NRXN3: variants seen among roughly 807,000 people sequenced by gnomAD.
NRXN3 encodes neurexin 3, also known as neurexin III.
NRXN3 carries 32 observed loss-of-function variants against 137.6 expected under a neutral mutation model. That is an observed-to-expected ratio of 0.23 (90% CI 0.18 to 0.31). The LOEUF is 0.31. Ranked by LOEUF, NRXN3 falls within the 10% of genes least tolerant of loss-of-function variation. The pLI, the probability that NRXN3 is intolerant of heterozygous loss-of-function variation, is 1.00. For missense variants in NRXN3, 1,574 were observed against 2,062.5 expected (o/e 0.76, Z 4.59); for synonymous variants, 798 against 784.5 (o/e 1.02, Z -0.29).
At chr14:78,412,105 A>G (rs1263346535) in intron 4 of NRXN3, among the ~76,000 whole-genome samples, 1 of 152,218 alleles carries the variant, frequency 6.6e-6, no homozygotes, top group African/African-American at 2.4e-5. Flanking sequence ...ACAGTGTAGT[A>G]AGACGTTAAT....
At chr14:79,046,534 A>T (rs997030552) in intron 15 of NRXN3, among the ~76,000 whole-genome samples, 4 of 152,168 alleles carry the variant, frequency 2.6e-5, no homozygotes, top group Non-Finnish European at 4.4e-5. Context: ...TTTTCTGTCA[A>T]ATCCCTCCCT....
At chr14:78,880,003 G>C (rs1197098897) in intron 10 of NRXN3, among the ~76,000 whole-genome samples, 1 of 150,708 alleles carries the variant, frequency 6.6e-6, no homozygotes, top group East Asian at 1.9e-4. Context: ...ACTTTGGGAG[G>C]CCGAGGCGGG....
At chr14:78,957,433 G>A (rs980224079) in intron 11 of NRXN3, 72 bp downstream of exon 11, 32 of 1,535,720 alleles carry the variant, frequency 2.1e-5, no homozygotes, top group Non-Finnish European at 2.7e-5. Flanking sequence ...AGCAAACAGT[G>A]TTTTGCAAAA....
intron 4 of NRXN3, among the ~76,000 whole-genome samples, chr14:78,586,498 A>C (rs1465333307): frequency 6.6e-6 from 1 of 152,230 alleles, no homozygotes; most frequent in Non-Finnish European, 1.5e-5. Context: ...AAACACTTAC[A>C]GCTGTGCCTG....
chr14:78,287,293 T>C (rs1484396640), intron 3 of NRXN3, among the ~76,000 whole-genome samples: 5 of 152,164 alleles, frequency 3.3e-5, no homozygotes, highest in Non-Finnish European at 7.3e-5. Flanking sequence ...TTTTAGGCCA[T>C]AGGTCTAGTA....
In NRXN3 at chr14:78,970,530, T is replaced by C. The variant is rs191222940; in HGVS notation, c.3142+2184T>C. On this transcript the variant is annotated intron_variant, in intron 14 of 20. Transcript: ENST00000335750. Reference sequence around the variant, plus strand: ...GGCTACTGTATTGGTAGTACAGGTATACAGAATACAAAAATTAAGGTGTAA... The same window carrying C: ...GGCTACTGTATTGGTAGTACAGGTACACAGAATACAAAAATTAAGGTGTAA... Among the ~76,000 whole-genome samples, 287 of 152,226 alleles carry C rather than the reference T, an allele frequency of 1.9e-3. 4 individuals carry two copies. The highest frequency in any genetic ancestry group is 9.4e-4 in the Non-Finnish European group (64 of 68,024).
At chr14:78,334,610 T>G (rs1337770353) in intron 4 of NRXN3, among the ~76,000 whole-genome samples, 1 of 152,216 alleles carries the variant, frequency 6.6e-6, no homozygotes, top group Non-Finnish European at 1.5e-5. Flanking sequence ...GCTTAATATG[T>G]GTTTATATTT....
chr14:79,168,160 G>A (rs2061448478), intron 15 of NRXN3, among the ~76,000 whole-genome samples: 1 of 152,042 alleles, frequency 6.6e-6, no homozygotes, highest in African/African-American at 2.4e-5. Flanking sequence ...TCACACCCAT[G>A]TACTGAGTCA....
chr14:79,866,565 A>G lies in NRXN3; in HGVS notation c.*4601A>G, dbSNP rs928900213. On this transcript the variant is annotated 3_prime_UTR_variant, in exon 21 of 21. Transcript: ENST00000335750. Reference sequence around the variant, plus strand: ...ATTGATGACAGACTGCAAAAAGTACATTGGAGGAAGATATGAGTAGGAAGG... The same window carrying G: ...ATTGATGACAGACTGCAAAAAGTACGTTGGAGGAAGATATGAGTAGGAAGG... The G allele has an allele frequency of 6.6e-6, 1 of 152,240 alleles. No homozygotes were observed. The highest frequency in any genetic ancestry group is 1.5e-5 in the Non-Finnish European group (1 of 68,048). 9.4% of individuals were successfully genotyped at this position (152,240 alleles called of 1,614,324 possible).
rs1447982646 is a variant in NRXN3 at position 78,943,618 on chromosome 14, AAAAAT to A, written c.2276-13622_2276-13618del. On this transcript the variant is annotated intron_variant, in intron 10 of 20. Coordinates refer to ENST00000335750, the MANE Select transcript of NRXN3 (RefSeq NM_001330195.2). ...AGAAGCAAGATCACTGTTAAAAAAA[AAAAAT>A]ATATATATATATATATATATATATA... 1.1e-3 allele frequency among the ~76,000 whole-genome samples: 42 copies of A among 39,948 alleles called. 2 individuals carry two copies. Among genetic ancestry groups the A allele is most frequent in the African/African-American group, 1.9e-3 (16 of 8,246 alleles). The allele number at this position is 39,948 out of a possible 152,430, so 26.2% of individuals were successfully genotyped here. A position where few individuals can be genotyped will look rare whatever the true frequency, so the allele number is the denominator to read the frequency against.
chr14:79,760,225 T>C (rs929834212), intron 19 of NRXN3, among the ~76,000 whole-genome samples: 1 of 151,636 alleles, frequency 6.6e-6, no homozygotes, highest in Admixed American at 6.6e-5. Flanking sequence ...TAGAAAAAAG[T>C]GTGGCGAGCT....
At chr14:78,434,212 T>A (rs1157377589) in intron 4 of NRXN3, among the ~76,000 whole-genome samples, 3 of 152,118 alleles carry the variant, frequency 2.0e-5, no homozygotes, top group African/African-American at 7.2e-5. Context: ...TTTCACACCA[T>A]CGTAAAGCTG....
At chr14:78,733,688 G>A (rs2098527709) in intron 8 of NRXN3, among the ~76,000 whole-genome samples, 1 of 152,206 alleles carries the variant, frequency 6.6e-6, no homozygotes, top group East Asian at 1.9e-4. Flanking sequence ...AAGTGTGCAG[G>A]AAAGGAGAAA....
chr14:78,259,187 T>C (rs373230719), intron 2 of NRXN3, among the ~76,000 whole-genome samples: 150 of 151,924 alleles, frequency 9.9e-4, no homozygotes, highest in African/African-American at 3.6e-3. Context: ...GAAACTTAAG[T>C]CTCATATGCG....
intron 6 of NRXN3, among the ~76,000 whole-genome samples, chr14:78,694,678 G>T (rs1370091720): frequency 1.3e-5 from 2 of 152,058 alleles, no homozygotes; most frequent in East Asian, 3.9e-4. Flanking sequence ...CAAAAACCTG[G>T]AAACTAAGTT....
At chr14:78,332,226 C>T (rs1597414038) in intron 4 of NRXN3, among the ~76,000 whole-genome samples, 1 of 152,044 alleles carries the variant, frequency 6.6e-6, no homozygotes, top group Non-Finnish European at 1.5e-5. Flanking sequence ...ATATCTTTTC[C>T]CTTATCTCCC....
intron 15 of NRXN3, among the ~76,000 whole-genome samples, chr14:79,354,068 C>T (rs2093331280): frequency 6.6e-6 from 1 of 152,028 alleles, no homozygotes; most frequent in African/African-American, 2.4e-5. Flanking sequence ...GTTTTCCGAC[C>T]CTAAGTGAAA....
At chr14:79,734,802 G>A (rs529610067) in intron 19 of NRXN3, among the ~76,000 whole-genome samples, 25 of 152,164 alleles carry the variant, frequency 1.6e-4, no homozygotes, top group African/African-American at 3.9e-4. Flanking sequence ...TTGCTTTCCC[G>A]AATACCTTAT....
chr14:78,529,521 G>A (rs917187677), intron 4 of NRXN3, among the ~76,000 whole-genome samples: 3 of 152,068 alleles, frequency 2.0e-5, no homozygotes, highest in Non-Finnish European at 4.4e-5. Flanking sequence ...TTGAAGTAAC[G>A]TGAACCCCAA....
Sources: allele counts gnomAD v4.1 joint callset (sites outside exome capture counted in the v4.1 genomes callset), GRCh38; gene constraint gnomAD v4.1.1; transcripts MANE v1.5; gene names NCBI Gene and HGNC (gene_info 2026-07-23, HGNC 2026-07-21).